GNAL: variants seen among roughly 807,000 people sequenced by gnomAD.
GNAL encodes the protein G protein subunit alpha L.
GNAL carries 18 observed loss-of-function variants against 55.1 expected under a neutral mutation model. That is an observed-to-expected ratio of 0.33 (90% CI 0.23 to 0.48). GNAL has a LOEUF of 0.48. Among genes scored for constraint, GNAL ranks in the 20% least tolerant of loss-of-function variants. The pLI is 0.99. For missense variants in GNAL, 412 were observed against 614.1 expected (o/e 0.67, Z 3.48); for synonymous variants, 253 against 237.0 (o/e 1.07, Z -0.62).
intron 4 of GNAL, among the ~76,000 whole-genome samples, chr18:11,815,045 G>T (rs867819262): frequency 6.6e-6 from 1 of 152,154 alleles, no homozygotes; most frequent in African/African-American, 2.4e-5. Flanking sequence ...ATAAGTTTGG[G>T]CATTCTATTA....
At chr18:11,797,767 GAA>G (rs887939073) in intron 4 of GNAL, among the ~76,000 whole-genome samples, 1 of 139,666 alleles carries the variant, frequency 7.2e-6, no homozygotes, top group Non-Finnish European at 1.6e-5. Flanking sequence ...TTGTCTCACA[GAA>G]AAAAAAAAAG....
chr18:11,779,392 A>G (rs1386399018), intron 4 of GNAL, among the ~76,000 whole-genome samples: 17 of 152,210 alleles, frequency 1.1e-4, no homozygotes, highest in Non-Finnish European at 2.1e-4. Flanking sequence ...GGCAGGATGG[A>G]ATAGCAGTCA....
chr18:11,703,484 A>T (rs559781383), intron 1 of GNAL, among the ~76,000 whole-genome samples: 2 of 152,368 alleles, frequency 1.3e-5, no homozygotes, highest in Admixed American at 1.3e-4. Context: ...AGTAGTGCCA[A>T]TTAAGAAACA....
At chr18:11,771,769 T>C (rs9676122) in intron 4 of GNAL, among the ~76,000 whole-genome samples, 83,654 of 151,984 alleles carry the variant, frequency 0.55, 26,663 homozygotes, top group African/African-American at 0.88. Flanking sequence ...GGCTGGAGTA[T>C]AGTGGTGCGA....
At chr18:11,843,685 G>A (rs771853973) in intron 5 of GNAL, among the ~76,000 whole-genome samples, 4 of 151,438 alleles carry the variant, frequency 2.6e-5, no homozygotes, top group Admixed American at 6.6e-5. Flanking sequence ...TAACAAAATC[G>A]TTATGTCACC....
At chr18:11,782,643 T>C (rs2033952240) in intron 4 of GNAL, among the ~76,000 whole-genome samples, 1 of 152,002 alleles carries the variant, frequency 6.6e-6, no homozygotes, top group African/African-American at 2.4e-5. Flanking sequence ...ATTAAGGAGA[T>C]GGGAGGGGCT....
chr18:11,764,577 C>T (rs940711403), intron 4 of GNAL, among the ~76,000 whole-genome samples: 3 of 152,114 alleles, frequency 2.0e-5, no homozygotes, highest in East Asian at 3.9e-4. Flanking sequence ...GAGGCCCAGG[C>T]GGGTGGATCA....
chr18:11,884,622 G>A lies in GNAL; in HGVS notation c.*3487G>A. 6.2e-7 allele frequency: 1 copy of A among 1,613,310 alleles called. No homozygotes were observed. The highest frequency in any genetic ancestry group is 1.1e-5 in the South Asian group (1 of 91,058). On this transcript the variant is annotated 3_prime_UTR_variant, in exon 12 of 12. Coordinates refer to ENST00000334049, the MANE Select transcript of GNAL (RefSeq NM_182978.4). ...AGAGGGTGTAGTCTGTGGGCGTGAT[G>A]CTACCCTGGAAAGGAGAAGGGAAAG... is the stretch of plus-strand genomic sequence containing the variant.
intron 5 of GNAL, among the ~76,000 whole-genome samples, chr18:11,825,441 T>C (rs1169496032): frequency 6.6e-6 from 1 of 152,150 alleles, no homozygotes; most frequent in Admixed American, 6.5e-5. Flanking sequence ...ATTAGAAGTA[T>C]ACCAGAAGGC....
At chr18:11,847,620 C>T (rs1269654654) in intron 5 of GNAL, among the ~76,000 whole-genome samples, 1 of 151,998 alleles carries the variant, frequency 6.6e-6, no homozygotes, top group Non-Finnish European at 1.5e-5. Flanking sequence ...AATGTCTGCA[C>T]TTTAATCAAA....
intron 1 of GNAL, among the ~76,000 whole-genome samples, chr18:11,715,199 C>T (rs1488065684): frequency 4.0e-5 from 6 of 151,586 alleles, no homozygotes; most frequent in Admixed American, 2.6e-4. Context: ...GTGGCTCACG[C>T]CTGTAATCCC....
chr18:11,725,554 G>A (rs551989813), intron 1 of GNAL, among the ~76,000 whole-genome samples: 4 of 152,286 alleles, frequency 2.6e-5, no homozygotes, highest in Non-Finnish European at 5.9e-5. Context: ...GAATCATATA[G>A]TATGTAGCCT....
chr18:11,703,498 A>T (rs1002537752), intron 1 of GNAL, among the ~76,000 whole-genome samples: 1 of 152,220 alleles, frequency 6.6e-6, no homozygotes, highest in Non-Finnish European at 1.5e-5. Context: ...AGAAACAGTT[A>T]TGTGACTCTT....
intron 5 of GNAL, chr18:11,851,842 A>G: frequency 6.2e-7 from 1 of 1,613,964 alleles, no homozygotes; most frequent in Non-Finnish European, 8.5e-7. Flanking sequence ...TCTGGAGAAG[A>G]TTTCTGCTTT....
chr18:11,789,480 C>T (rs2034168566), intron 4 of GNAL, among the ~76,000 whole-genome samples: 1 of 152,210 alleles, frequency 6.6e-6, no homozygotes, highest in Non-Finnish European at 1.5e-5. Context: ...TTTCTCACAA[C>T]TTCTTAGCTC....
chr18:11,711,671 T>G (rs1026009814), intron 1 of GNAL, among the ~76,000 whole-genome samples: 4 of 152,250 alleles, frequency 2.6e-5, no homozygotes, highest in African/African-American at 9.6e-5. Flanking sequence ...CTTCATAAGA[T>G]GATTATTTTT....
At chr18:11,763,819 C>T (rs1375483648) in intron 4 of GNAL, among the ~76,000 whole-genome samples, 1 of 152,158 alleles carries the variant, frequency 6.6e-6, no homozygotes, top group Non-Finnish European at 1.5e-5. Flanking sequence ...ATTTAACTTC[C>T]ATTTCTCTCT....
At chr18:11,847,557 T>C (rs560988512) in intron 5 of GNAL, among the ~76,000 whole-genome samples, 119 of 152,262 alleles carry the variant, frequency 7.8e-4, no homozygotes, top group Non-Finnish European at 1.1e-3. Context: ...CATATTTTTC[T>C]TCCCCATTTC....
chr18:11,763,068 T>C (rs1251197540), intron 4 of GNAL, among the ~76,000 whole-genome samples: 1 of 151,044 alleles, frequency 6.6e-6, no homozygotes, highest in East Asian at 1.9e-4. Flanking sequence ...TTAAATTCCA[T>C]TTTTTTCTTT....
Sources: gnomAD v4.1 joint callset for allele counts (sites outside exome capture counted in the v4.1 genomes callset) on GRCh38, gnomAD v4.1.1 for gene constraint, MANE v1.5 for transcripts, NCBI Gene and HGNC (gene_info 2026-07-23, HGNC 2026-07-21) for gene names.